The following NOS2 variants were observed in gnomAD, a reference collection of about 807,000 sequenced individuals.
The protein encoded by NOS2 is nitric oxide synthase 2.
NOS2 carries 96 observed loss-of-function variants against 136.0 expected under a neutral mutation model. The observed-to-expected ratio is 0.71, with a 90% confidence interval of 0.60 to 0.84. The LOEUF is 0.84. Ranked by LOEUF, NOS2 falls within the 40% of genes least tolerant of loss-of-function variation. The pLI, the probability that NOS2 is intolerant of heterozygous loss-of-function variation, is 0.00. For missense variants in NOS2, 1,237 were observed against 1,496.9 expected (o/e 0.83, Z 2.87); for synonymous variants, 539 against 587.5 (o/e 0.92, Z 1.20).
At chr17:27,794,714 G>GCACACA (rs56767383) in intron 2 of NOS2, among the ~76,000 whole-genome samples, 3,734 of 145,592 alleles carry the variant, frequency 0.026, 78 homozygotes, top group Admixed American at 0.044. Flanking sequence ...ACACACACGC[G>GCACACA]CACACACACA....
chr17:27,793,138 C>T (rs1909244652), intron 2 of NOS2, among the ~76,000 whole-genome samples: 1 of 149,150 alleles, frequency 6.7e-6, no homozygotes, highest in Non-Finnish European at 1.5e-5. Context: ...GCGGTTCCGA[C>T]GCCTCCCTGC....
Position 27,783,065 on chromosome 17 carries a change from G to A in NOS2, c.509C>T (p.Thr170Ile), listed in dbSNP as rs1272623138. Residue 170 changes from threonine (T) to isoleucine (I), a missense_variant, in exon 6 of 27, where the codon ACA (threonine) becomes ATA (isoleucine). Coordinates refer to ENST00000313735, the MANE Select transcript of NOS2 (RefSeq NM_000625.4). ...EEHLARVEAV[T>I]KEIETTGTYQ... The stretch of plus-strand genomic sequence containing the variant: ...GGTTCCTGTTGTTTCTATCTCCTTT[G>A]TTACCGCTTCCACCCTGGCCAGATG... 4.3e-6 allele frequency: 7 copies of A among 1,614,052 alleles called. No homozygotes were observed. Among genetic ancestry groups the A allele is most frequent in the Admixed American group, 1.7e-5 (1 of 60,002 alleles).
In NOS2 at chr17:27,798,715, G is replaced by A. The variant is rs369485959; in HGVS notation, c.95C>T (p.Pro32Leu). 1.9e-6 allele frequency: 3 copies of A among 1,612,516 alleles called. No homozygotes were observed. Among genetic ancestry groups the A allele is most frequent in the African/African-American group, 2.7e-5 (2 of 74,874 alleles). ...GAAAACTCACCTGGAGGTGGCACAG[G>A]GGGCTTTCTCCACATTGTTGTTGAT... ...KDINNNVEKA[P>L]CATSSPVTQD... Residue 32 changes from proline (P) to leucine (L), a missense_variant, in exon 2 of 27, where the codon CCC (proline) becomes CTC (leucine). Around this residue, in one of 3 missense-constraint regions of NOS2, gnomAD observed 440 missense variants for 545.4 expected, o/e 0.81. Coordinates refer to ENST00000313735, the MANE Select transcript of NOS2 (RefSeq NM_000625.4).
chr17:27,758,190 T>G (rs1330975112), intron 26 of NOS2, among the ~76,000 whole-genome samples: 1 of 152,184 alleles, frequency 6.6e-6, no homozygotes, highest in Non-Finnish European at 1.5e-5. Context: ...AAATGTTCAG[T>G]TGAACGTATG....
chr17:27,757,367 A>G lies in NOS2; in HGVS notation c.3355-14T>C. 6.2e-7 allele frequency: 1 copy of G among 1,612,138 alleles called. No homozygotes were observed. The stretch of plus-strand genomic sequence containing the variant: ...GCGCTTCTGGCTCTTTTAGGTAAAA[A>G]CAGAGAGCAACGTGTCAAGTCCAGG... On this transcript the variant is annotated splice_polypyrimidine_tract_variant and intron_variant, in intron 26 of 26. Coordinates refer to ENST00000313735, the MANE Select transcript of NOS2 (RefSeq NM_000625.4).
At chr17:27,768,416 T>C (rs2151327258) in intron 17 of NOS2, among the ~76,000 whole-genome samples, 1 of 152,292 alleles carries the variant, frequency 6.6e-6, no homozygotes. Context: ...GAGGTCTGAT[T>C]GCTCTTATGT....
At chr17:27,764,994 T>C (rs570524775) in intron 20 of NOS2, among the ~76,000 whole-genome samples, 1 of 152,244 alleles carries the variant, frequency 6.6e-6, no homozygotes, top group Non-Finnish European at 1.5e-5. Context: ...TTCTTTTTTA[T>C]TTTTTTGAGA....
intron 2 of NOS2, chr17:27,793,573 C>T (rs1450627415): frequency 5.0e-6 from 2 of 397,476 alleles, no homozygotes; most frequent in Non-Finnish European, 8.9e-6. Flanking sequence ...GGGCGGACTT[C>T]GGCCCGCGGG....
In NOS2 at chr17:27,789,693, G is replaced by A. The variant is rs1909133292; in HGVS notation, c.111-5C>T. 2.5e-6 allele frequency: 4 copies of A among 1,610,774 alleles called. No individual in the cohort carries two copies. The highest frequency in any genetic ancestry group is 8.5e-7 in the Non-Finnish European group (1 of 1,177,102). On this transcript the variant is annotated splice_polypyrimidine_tract_variant and splice_region_variant and intron_variant, in intron 2 of 26. Coordinates refer to ENST00000313735, the MANE Select transcript of NOS2 (RefSeq NM_000625.4). ...AGGTCATCCTGTGTCACTGGACTGT[G>A]AAAGGAAACAGCTAGCATGAGATGC...
chr17:27,794,236 G>A (rs1909283544), intron 2 of NOS2, among the ~76,000 whole-genome samples: 1 of 152,168 alleles, frequency 6.6e-6, no homozygotes, highest in Non-Finnish European at 1.5e-5. Flanking sequence ...GCTGTCCCGG[G>A]AAGTGTTATA....
intron 14 of NOS2, among the ~76,000 whole-genome samples, chr17:27,772,078 T>C (rs2151328427): frequency 6.6e-6 from 1 of 152,374 alleles, no homozygotes; most frequent in African/African-American, 2.4e-5. Context: ...CCTGGATTCA[T>C]TGTGAAAGTG....
chr17:27,761,092 A>G (rs2079100178), intron 23 of NOS2, 52 bp downstream of exon 23: 5 of 1,461,346 alleles, frequency 3.4e-6, no homozygotes, highest in South Asian at 1.4e-5. Context: ...TTCCTCCCGG[A>G]ACTCCCAGGG....
At position 27,798,701 on chromosome 17, in the gene NOS2, T is replaced by C; in HGVS notation, c.109A>G (p.Ser37Gly). Residue 37 changes from serine (S) to glycine (G), a missense_variant and splice_region_variant, in exon 2 of 27, where the codon AGT becomes GGT. Physicochemically the swap from Ser to Gly is moderately conservative, Grantham distance 56 (BLOSUM62 0). This residue lies in a region of NOS2 where 440 missense variants were observed against 545.4 expected (regional missense o/e 0.81). Transcript: ENST00000313735. ...GAGGTTCCCCCAGGGAAAACTCACC[T>C]GGAGGTGGCACAGGGGGCTTTCTCC... ...NVEKAPCATS[S>G]PVTQDDLQYH... is the part of the protein sequence containing the mutation. 6.2e-7 allele frequency: 1 copy of C among 1,606,120 alleles called. No individual in the cohort carries two copies. Among genetic ancestry groups the C allele is most frequent in the Non-Finnish European group, 8.5e-7 (1 of 1,172,634 alleles).
At position 27,797,334 on chromosome 17, in the gene NOS2, CAG is replaced by C. The variant is rs1375724746; in HGVS notation, c.110+1364_110+1365del. Among the ~76,000 whole-genome samples the C allele has an allele frequency of 3.9e-5, 6 of 152,354 alleles. No homozygotes were observed. The South Asian group carries it at 8.3e-4, about 21-fold the overall frequency. On this transcript the variant is annotated intron_variant, in intron 2 of 26. Coordinates refer to ENST00000313735, the MANE Select transcript of NOS2 (RefSeq NM_000625.4). ...AGTGCCATTTGCTGAGCACTTACTC[CAG>C]GCCAGGCCCTGTGCTAAGTTGCTCA...
chr17:27,780,188 G>A (rs574062234), intron 9 of NOS2, among the ~76,000 whole-genome samples: 1 of 152,330 alleles, frequency 6.6e-6, no homozygotes, highest in South Asian at 2.1e-4. Flanking sequence ...AAATTCTGAG[G>A]AAAAGGCATG....
intron 18 of NOS2, 132 bp downstream of exon 18, chr17:27,767,573 T>G: frequency 9.5e-7 from 1 of 1,056,670 alleles, no homozygotes; most frequent in Non-Finnish European, 1.3e-6. Flanking sequence ...TAACAGGCTC[T>G]TGCATGCAGT....
chr17:27,767,473 C>T (rs1282536870), intron 18 of NOS2, among the ~76,000 whole-genome samples: 2 of 152,268 alleles, frequency 1.3e-5, no homozygotes, highest in Non-Finnish European at 2.9e-5. Context: ...CACAGTAGGC[C>T]CTTGGCGGAT....
chr17:27,789,711 T>G (rs201706753), intron 2 of NOS2, 23 bp from the exon 3 acceptor site: 12 of 1,570,620 alleles, frequency 7.6e-6, no homozygotes, highest in Non-Finnish European at 1.1e-5. Flanking sequence ...ACAGCTAGCA[T>G]GAGATGCGGT....
intron 2 of NOS2, among the ~76,000 whole-genome samples, chr17:27,789,972 C>A (rs1909142621): frequency 6.6e-6 from 1 of 152,240 alleles, no homozygotes; most frequent in East Asian, 1.9e-4. Flanking sequence ...CCTTCACCCT[C>A]TGGAAAAGCC....
Sources: gnomAD v4.1 joint callset for allele counts (sites outside exome capture counted in the v4.1 genomes callset) on GRCh38, gnomAD v4.1.1 for gene constraint, gnomAD v4.1.1 regional missense constraint, MANE v1.5 for transcripts, NCBI Gene and HGNC (gene_info 2026-07-23, HGNC 2026-07-21) for gene names.